The following SDK1 variants were observed in gnomAD, a reference collection of about 807,000 sequenced individuals.
The protein encoded by SDK1 is sidekick cell adhesion molecule 1.
Under a neutral mutation model 245.5 loss-of-function variants are expected in SDK1, and 157 were observed. The observed-to-expected ratio is 0.64, with a 90% CI of 0.56 to 0.73. SDK1 has a LOEUF of 0.73. Among genes scored for constraint, SDK1 ranks in the 30% least tolerant of loss-of-function variants. The pLI is 0.00. For synonymous variants in SDK1, 1,647 were observed against 1,278.5 expected (o/e 1.29, Z -6.15); for missense variants, 3,583 against 3,002.3 (o/e 1.19, Z -4.52).
chr7:3,426,463 C>T (rs533826923), intron 1 of SDK1, among the ~76,000 whole-genome samples: 1 of 152,324 alleles, frequency 6.6e-6, no homozygotes, highest in South Asian at 2.1e-4. Flanking sequence ...CTCCTCATTT[C>T]CCTTCTCTCT....
intron 14 of SDK1, among the ~76,000 whole-genome samples, chr7:4,003,873 A>G (rs1215371085): frequency 6.6e-6 from 1 of 152,216 alleles, no homozygotes; most frequent in Non-Finnish European, 1.5e-5. Flanking sequence ...ACTTAGCTCC[A>G]TGTTGGGGGC....
intron 16 of SDK1, among the ~76,000 whole-genome samples, chr7:4,012,502 G>C (rs1195100918): frequency 2.0e-5 from 3 of 146,542 alleles, no homozygotes; most frequent in Admixed American, 6.9e-5. Context: ...CAGGAGAATG[G>C]AGGGGGTATT....
At chr7:3,972,251 T>C (rs1365765749) in intron 12 of SDK1, among the ~76,000 whole-genome samples, 20 of 152,036 alleles carry the variant, frequency 1.3e-4, no homozygotes, top group Non-Finnish European at 5.9e-5. Context: ...GGCTATTTTT[T>C]TGTATTTTTA....
At chr7:4,052,686 T>A (rs1778945698) in intron 19 of SDK1, among the ~76,000 whole-genome samples, 2 of 152,238 alleles carry the variant, frequency 1.3e-5, no homozygotes, top group South Asian at 4.1e-4. Context: ...TTAAGACTTG[T>A]TATCCCTATG....
At chr7:3,770,608 CTTG>C (rs1274670888) in intron 4 of SDK1, among the ~76,000 whole-genome samples, 5 of 152,186 alleles carry the variant, frequency 3.3e-5, no homozygotes, top group African/African-American at 7.2e-5. Context: ...AGCCTGGGCA[CTTG>C]TTGTGGAGAG....
chr7:3,778,699 C>A (rs558715527), intron 4 of SDK1, among the ~76,000 whole-genome samples: 1 of 152,166 alleles, frequency 6.6e-6, no homozygotes, highest in African/African-American at 2.4e-5. Flanking sequence ...TATATTTAAT[C>A]TTAACAGAGT....
chr7:4,182,322 C>G (rs1782646961), intron 35 of SDK1, among the ~76,000 whole-genome samples: 1 of 152,220 alleles, frequency 6.6e-6, no homozygotes, highest in African/African-American at 2.4e-5. Context: ...TGCCTTCCCC[C>G]CAGCAGCGGG....
At chr7:3,391,966 A>AATATATATATATATATATATAT (rs55768106) in intron 1 of SDK1, among the ~76,000 whole-genome samples, 159 of 143,966 alleles carry the variant, frequency 1.1e-3, no homozygotes, top group African/African-American at 3.9e-3. Flanking sequence ...TATATCATGT[A>AATATATATATATATATATATAT]ATATATATAT....
chr7:4,228,665 G>A (rs1785575467), intron 40 of SDK1, among the ~76,000 whole-genome samples: 1 of 152,178 alleles, frequency 6.6e-6, no homozygotes, highest in African/African-American at 2.4e-5. Context: ...TCAGTCTCCT[G>A]AGTAGCTGGG....
intron 5 of SDK1, among the ~76,000 whole-genome samples, chr7:3,939,976 C>T (rs184188672): frequency 6.9e-4 from 105 of 152,368 alleles, no homozygotes; most frequent in African/African-American, 2.5e-3. Context: ...CACCAGTGCA[C>T]CTTGAGACGC....
intron 14 of SDK1, among the ~76,000 whole-genome samples, chr7:3,997,680 G>C (rs1784780317): frequency 6.6e-6 from 1 of 152,156 alleles, no homozygotes; most frequent in Admixed American, 6.5e-5. Flanking sequence ...GGAAGTGCAT[G>C]CGGATTGGTC....
chr7:3,678,947 A>G (rs1038871870), intron 4 of SDK1, among the ~76,000 whole-genome samples: 3 of 152,230 alleles, frequency 2.0e-5, no homozygotes, highest in African/African-American at 7.2e-5. Context: ...CAACAACAAC[A>G]AAATGACAAA....
At chr7:3,665,330 C>T (rs193161056) in intron 4 of SDK1, among the ~76,000 whole-genome samples, 6 of 152,340 alleles carry the variant, frequency 3.9e-5, no homozygotes, top group Admixed American at 2.6e-4. Flanking sequence ...GCAGATTCTG[C>T]AGGTTGTTAA....
chr7:4,214,185 A>ATGATGGGCAGATGCTCCATG (rs1409989814), intron 38 of SDK1, among the ~76,000 whole-genome samples: 1 of 151,892 alleles, frequency 6.6e-6, no homozygotes, highest in Non-Finnish European at 1.5e-5. Flanking sequence ...CCAAGGCCTA[A>ATGATGGGCAGATGCTCCATG]ACTGCTCCAT....
intron 1 of SDK1, among the ~76,000 whole-genome samples, chr7:3,428,577 G>C (rs1202142904): frequency 6.6e-6 from 1 of 152,118 alleles, no homozygotes; most frequent in Non-Finnish European, 1.5e-5. Flanking sequence ...CAAATGGATT[G>C]TCTTCAGAAA....
At chr7:3,902,455 T>G (rs1781823378) in intron 5 of SDK1, among the ~76,000 whole-genome samples, 1 of 152,236 alleles carries the variant, frequency 6.6e-6, no homozygotes, top group South Asian at 2.1e-4. Flanking sequence ...TAATATTTCC[T>G]TCTGGTTCTT....
At chr7:3,864,913 G>A (rs962554877) in intron 5 of SDK1, among the ~76,000 whole-genome samples, 2 of 152,186 alleles carry the variant, frequency 1.3e-5, no homozygotes, top group African/African-American at 2.4e-5. Flanking sequence ...TGAGTAAGAA[G>A]CATTTTCCCC....
intron 4 of SDK1, among the ~76,000 whole-genome samples, chr7:3,731,409 G>A (rs921393524): frequency 3.3e-5 from 5 of 152,200 alleles, no homozygotes; most frequent in Admixed American, 6.5e-5. Context: ...ACAATGTGGA[G>A]CCACTGATCC....
intron 14 of SDK1, among the ~76,000 whole-genome samples, chr7:4,006,491 A>T (rs1785496675): frequency 6.6e-6 from 1 of 152,206 alleles, no homozygotes; most frequent in Admixed American, 6.5e-5. Context: ...ACCCTTTTAA[A>T]GGGATGTTGC....
Sources: allele counts gnomAD v4.1 joint callset (sites outside exome capture counted in the v4.1 genomes callset), GRCh38; gene constraint gnomAD v4.1.1; transcripts MANE v1.5; gene names NCBI Gene and HGNC (gene_info 2026-07-23, HGNC 2026-07-21).